The following IQGAP2 variants were observed in gnomAD, a reference collection of about 807,000 sequenced individuals.
IQGAP2 encodes IQ motif containing GTPase activating protein 2, also known as ras GTPase-activating-like protein IQGAP2.
A neutral mutation model predicts 201.3 loss-of-function variants in IQGAP2; 173 were observed. The observed-to-expected ratio is 0.86, with a 90% CI of 0.76 to 0.98. IQGAP2 has a LOEUF of 0.98. IQGAP2 is among the 50% of genes least tolerant of loss of function. The pLI is 0.00. For synonymous variants in IQGAP2, 675 were observed against 673.9 expected (o/e 1.00, Z -0.03); for missense variants, 1,687 against 1,864.8 (o/e 0.90, Z 1.76).
At chr5:76,431,967 A>G (rs1308105648) in intron 1 of IQGAP2, among the ~76,000 whole-genome samples, 1 of 152,002 alleles carries the variant, frequency 6.6e-6, no homozygotes, top group African/African-American at 2.4e-5. Flanking sequence ...AAGGGTAGAC[A>G]TACTCATGTT....
intron 2 of IQGAP2, among the ~76,000 whole-genome samples, chr5:76,534,360 G>A (rs998860044): frequency 1.3e-5 from 2 of 152,158 alleles, no homozygotes; most frequent in Non-Finnish European, 2.9e-5. Context: ...GCCCCCTGTA[G>A]GAGTGAACAC....
chr5:76,518,203 C>T (rs1283932530), intron 2 of IQGAP2, among the ~76,000 whole-genome samples: 1 of 152,116 alleles, frequency 6.6e-6, no homozygotes, highest in Non-Finnish European at 1.5e-5. Flanking sequence ...CTTAGGTGAT[C>T]TGCTCACCTC....
intron 2 of IQGAP2, among the ~76,000 whole-genome samples, chr5:76,544,128 CTCA>C (rs1165721008): frequency 3.9e-5 from 6 of 152,174 alleles, no homozygotes; most frequent in African/African-American, 1.2e-4. Context: ...GCCTGTTCCT[CTCA>C]TCATCTTCCT....
chr5:76,533,689 C>T (rs545132685), intron 2 of IQGAP2, among the ~76,000 whole-genome samples: 4 of 152,054 alleles, frequency 2.6e-5, no homozygotes, highest in Non-Finnish European at 4.4e-5. Flanking sequence ...TACAGGCACC[C>T]ACCACACCTG....
chr5:76,607,615 T>A (rs1747908932), intron 12 of IQGAP2: 1 of 152,210 alleles, frequency 6.6e-6, no homozygotes. Flanking sequence ...ATACTTGGCT[T>A]GGGAGTTTAT....
At chr5:76,658,785 C>A in intron 21 of IQGAP2, 118 bp downstream of exon 21, 1 of 854,522 alleles carries the variant, frequency 1.2e-6, no homozygotes, top group Non-Finnish European at 1.9e-6. Flanking sequence ...TGATTTCATC[C>A]TGATGCAAAC....
At chr5:76,623,105 T>C in intron 13 of IQGAP2, 3 of 1,511,766 alleles carry the variant, frequency 2.0e-6, no homozygotes, top group African/African-American at 1.4e-5. Flanking sequence ...CTAGGTTCAG[T>C]TGACTCTTAA....
intron 17 of IQGAP2, among the ~76,000 whole-genome samples, chr5:76,651,678 T>C (rs1561551784): frequency 6.6e-6 from 1 of 152,146 alleles, no homozygotes; most frequent in African/African-American, 2.4e-5. Flanking sequence ...TACACGGAAC[T>C]CATTGTATAA....
chr5:76,543,075 G>C (rs1742876024), intron 2 of IQGAP2, among the ~76,000 whole-genome samples: 1 of 152,176 alleles, frequency 6.6e-6, no homozygotes, highest in Non-Finnish European at 1.5e-5. Context: ...CAGATCCTGT[G>C]TCTTACAGAT....
intron 2 of IQGAP2, among the ~76,000 whole-genome samples, chr5:76,549,184 A>G (rs1371745409): frequency 1.3e-5 from 2 of 152,134 alleles, no homozygotes; most frequent in Non-Finnish European, 2.9e-5. Context: ...CTTTTCTCCT[A>G]TTAGCCCTTG....
chr5:76,547,966 AAC>A lies in IQGAP2; in HGVS notation c.147-14428_147-14427del, dbSNP rs1743196689. Among the ~76,000 whole-genome samples, 4 of 152,302 alleles carry A rather than the reference AAC, an allele frequency of 2.6e-5. No individual in the cohort carries two copies. In the South Asian group the frequency reaches 6.2e-4, roughly 24 times the overall value. ...AGTGTAGCCACGCTGCTCTGTGGAG[AAC>A]AGTGTGATAAATCCTTGGTAGCATT... On this transcript the variant is annotated intron_variant, in intron 2 of 35. Transcript: ENST00000274364.
chr5:76,654,798 A>C (rs1369389620), intron 19 of IQGAP2, 136 bp from the exon 20 acceptor site: 1 of 602,580 alleles, frequency 1.7e-6, no homozygotes, highest in Non-Finnish European at 2.9e-6. Context: ...TAAATGTTGA[A>C]TACACCACAT....
In IQGAP2 at chr5:76,423,184, A is replaced by C. The variant is rs918259749; in HGVS notation, c.46+19593A>C. ...CAGTATAGCCATTAAATTTGGGAAA[A>C]AGAAGAATTTTAGACATTCTAAATT... On this transcript the variant is annotated intron_variant, in intron 1 of 35. Coordinates refer to ENST00000274364, the MANE Select transcript of IQGAP2 (RefSeq NM_006633.5). 2.0e-5 allele frequency among the ~76,000 whole-genome samples: 3 copies of C among 152,230 alleles called. No individual in the cohort carries two copies. The East Asian group carries it at 5.8e-4, about 29-fold the overall frequency.
At chr5:76,562,319 C>T (rs763485469) in intron 2 of IQGAP2, 77 bp from the exon 3 acceptor site, 23 of 1,064,484 alleles carry the variant, frequency 2.2e-5, no homozygotes, top group Non-Finnish European at 2.7e-5. Flanking sequence ...ACACACACAG[C>T]GAAATGCTGC....
At chr5:76,693,153 C>G (rs1342791184) in intron 30 of IQGAP2, among the ~76,000 whole-genome samples, 3 of 152,220 alleles carry the variant, frequency 2.0e-5, no homozygotes, top group African/African-American at 7.2e-5. Context: ...GCACAGAAAG[C>G]CCAGACTTTG....
At chr5:76,417,117 G>A (rs1189976170) in intron 1 of IQGAP2, among the ~76,000 whole-genome samples, 1 of 152,140 alleles carries the variant, frequency 6.6e-6, no homozygotes, top group Admixed American at 6.5e-5. Flanking sequence ...TGAGGTATGG[G>A]AGATTGCTCT....
At chr5:76,562,832 T>C (rs996192550) in intron 3 of IQGAP2, among the ~76,000 whole-genome samples, 9 of 152,190 alleles carry the variant, frequency 5.9e-5, no homozygotes, top group African/African-American at 1.9e-4. Context: ...TTAGTGCCAG[T>C]AAAGGTAAAA....
In IQGAP2 at chr5:76,674,460, C is replaced by G. The variant is rs749013948; in HGVS notation, c.3295-17C>G. The stretch of plus-strand genomic sequence containing the variant: ...TTTCTCTCTTAAAAATGGTCATGCA[C>G]TTCTGCGTCACTCCAGATTGTTGGA... On this transcript the variant is annotated splice_polypyrimidine_tract_variant and intron_variant, in intron 26 of 35. Transcript: ENST00000274364. The G allele has an allele frequency of 6.5e-7, 1 of 1,537,992 alleles. No individual in the cohort carries two copies. The highest frequency in any genetic ancestry group is 9.0e-7 in the Non-Finnish European group (1 of 1,112,708).
intron 2 of IQGAP2, among the ~76,000 whole-genome samples, chr5:76,527,225 G>A (rs1050580782): frequency 5.9e-5 from 9 of 152,176 alleles, no homozygotes; most frequent in Non-Finnish European, 8.8e-5. Flanking sequence ...GGAGAGCTTC[G>A]CCTCTGCAGA....
Sources: gnomAD v4.1 joint callset for allele counts (sites outside exome capture counted in the v4.1 genomes callset) on GRCh38, gnomAD v4.1.1 for gene constraint, MANE v1.5 for transcripts, NCBI Gene and HGNC (gene_info 2026-07-23, HGNC 2026-07-21) for gene names.